The following PCBP3 variants were observed in gnomAD, a reference collection of about 807,000 sequenced individuals.
The protein encoded by PCBP3 is poly(rC)-binding protein 3.
Under a neutral mutation model 52.7 loss-of-function variants are expected in PCBP3, and 25 were observed. The observed-to-expected ratio is 0.47, with a 90% CI of 0.35 to 0.66. The LOEUF is 0.66. Among genes scored for constraint, PCBP3 ranks in the 30% least tolerant of loss-of-function variants. PCBP3 has a pLI of 0.01. For missense variants in PCBP3, 391 were observed against 490.3 expected (o/e 0.80, Z 1.91); for synonymous variants, 162 against 183.0 (o/e 0.89, Z 0.93).
chr21:45,694,396 A>G (rs78288391), intron 2 of PCBP3, among the ~76,000 whole-genome samples: 26,478 of 152,148 alleles, frequency 0.17, 2,915 homozygotes, highest in Non-Finnish European at 0.24. Context: ...CCACTTGAAC[A>G]TTAACCAAAA....
chr21:45,798,975 T>C (rs528632542), intron 4 of PCBP3, among the ~76,000 whole-genome samples: 33 of 149,944 alleles, frequency 2.2e-4, no homozygotes, highest in Admixed American at 5.3e-4. Flanking sequence ...AGAGAGTGAA[T>C]GCGTACATGG....
At position 45,901,063 on chromosome 21, in the gene PCBP3, A is replaced by G. The variant is rs1437359722; in HGVS notation, c.289A>G (p.Thr97Ala). Reference protein sequence around the residue: ...PERIVTITGPTDAIFKAFAMI... With the variant: ...PERIVTITGPADAIFKAFAMI... ...GAGGATTGTGACCATCACAGGCCCC[A>G]CAGACGCCATCTTCAAGGCCTTTGC... is the stretch of plus-strand genomic sequence containing the variant. Residue 97 changes from threonine (T) to alanine (A), a missense_variant, in exon 9 of 18, where the codon ACA (threonine) becomes GCA (alanine). By Grantham distance (58) the Thr-to-Ala change is moderately conservative. Transcript: ENST00000681687. 1.2e-6 allele frequency: 2 copies of G among 1,614,072 alleles called. No homozygotes were observed. The highest frequency in any genetic ancestry group is 1.3e-5 in the African/African-American group (1 of 75,046).
intron 1 of PCBP3, among the ~76,000 whole-genome samples, chr21:45,646,280 T>G (rs1046431912): frequency 6.6e-6 from 1 of 152,060 alleles, no homozygotes; most frequent in African/African-American, 2.4e-5. Context: ...GCCATTTTAT[T>G]CTTCTTTTTA....
intron 5 of PCBP3, among the ~76,000 whole-genome samples, chr21:45,895,575 T>A (rs946172585): frequency 6.6e-6 from 1 of 152,254 alleles, no homozygotes; most frequent in Non-Finnish European, 1.5e-5. Flanking sequence ...CCCAGTGGGC[T>A]CCGTCAACTC....
chr21:45,825,649 T>C (rs886566474), intron 4 of PCBP3, among the ~76,000 whole-genome samples: 3 of 152,218 alleles, frequency 2.0e-5, no homozygotes, highest in Non-Finnish European at 4.4e-5. Context: ...AGGGCTCATA[T>C]AGATCATTAT....
Position 45,935,320 on chromosome 21 carries a change from T to TGTGA in PCBP3, c.909+17_909+18insGAGT. On this transcript the variant is annotated intron_variant, in intron 16 of 17. Transcript: ENST00000681687. ...TTCCCAATGATGTGAGTATGCCCGCTGTACCTGCCTGTCCCTGGGTAGAAA... is the reference window on the plus strand; with the variant it reads ...TTCCCAATGATGTGAGTATGCCCGCTGTGAGTACCTGCCTGTCCCTGGGTAGAAA... 1.9e-6 allele frequency: 3 copies of TGTGA among 1,596,192 alleles called. No homozygotes were observed. The highest frequency in any genetic ancestry group is 2.6e-6 in the Non-Finnish European group (3 of 1,166,598).
intron 2 of PCBP3, among the ~76,000 whole-genome samples, chr21:45,706,822 C>T (rs985318216): frequency 2.6e-5 from 4 of 152,204 alleles, no homozygotes; most frequent in Non-Finnish European, 4.4e-5. Context: ...TCAGTTGATA[C>T]TGTTTCAGTT....
rs187112284 is a variant in PCBP3, at chr21:45,791,176, C to T, written c.-126+35724C>T. On this transcript the variant is annotated intron_variant, in intron 4 of 17. Coordinates refer to ENST00000681687, the MANE Select transcript of PCBP3 (RefSeq NM_001384156.1). This position sits in a 1 kb window ranked among gnomAD's most constrained non-coding sequence, Gnocchi z 4.2. ...AAGGCTGTGTTGGTCGTCAGCCCAG[C>T]GTGGGAAGGGGGAGTTTTGAAGACA... Among the ~76,000 whole-genome samples the T allele has an allele frequency of 3.1e-4, 47 of 152,100 alleles. 2 individuals carry two copies. The South Asian group carries it at 6.9e-3, about 22-fold the overall frequency.
chr21:45,924,216 C>T (rs1399704345), intron 13 of PCBP3, among the ~76,000 whole-genome samples: 42 of 132,090 alleles, frequency 3.2e-4, no homozygotes, highest in African/African-American at 7.9e-4. Context: ...CGGGTGTGCA[C>T]GAGGAGATGT....
At chr21:45,669,803 G>GTATATATATATA (rs1394969213) in intron 2 of PCBP3, among the ~76,000 whole-genome samples, 2 of 54,404 alleles carry the variant, frequency 3.7e-5, no homozygotes, top group Admixed American at 1.9e-4. Flanking sequence ...GTGTGTGTGT[G>GTATATATATATA]TGTATATATA....
intron 4 of PCBP3, among the ~76,000 whole-genome samples, chr21:45,842,114 G>C (rs2093711385): frequency 6.6e-6 from 1 of 152,244 alleles, no homozygotes; most frequent in South Asian, 2.1e-4. Flanking sequence ...TCTCTGTGCA[G>C]AAGTGAATCT....
At chr21:45,881,573 T>C (rs2095406751) in intron 5 of PCBP3, among the ~76,000 whole-genome samples, 1 of 152,130 alleles carries the variant, frequency 6.6e-6, no homozygotes, top group African/African-American at 2.4e-5. Context: ...AGAGACCCCA[T>C]CTCTATAAAG....
At position 45,656,457 on chromosome 21, in the gene PCBP3, C is replaced by T. The variant is rs1437741553; in HGVS notation, c.-278-12417C>T. On this transcript the variant is annotated intron_variant, in intron 1 of 17. Transcript: ENST00000681687. The surrounding 1 kb of genome is among the most constrained non-coding windows in gnomAD (Gnocchi z 4.3). ...GAGTTGAACAATGAGAACACATGGA[C>T]ACAGGGAGGGGAACATCATACACCA... Among the ~76,000 whole-genome samples the T allele has an allele frequency of 2.6e-5, 4 of 152,080 alleles. No homozygotes were observed. The highest frequency in any genetic ancestry group is 2.1e-4 in the South Asian group (1 of 4,808).
chr21:45,816,733 C>G (rs1287665294), intron 4 of PCBP3, among the ~76,000 whole-genome samples: 1 of 145,192 alleles, frequency 6.9e-6, no homozygotes, highest in Non-Finnish European at 1.5e-5. Flanking sequence ...TGAGGCTGTT[C>G]TATGTTAACT....
intron 4 of PCBP3, among the ~76,000 whole-genome samples, chr21:45,808,455 T>A (rs928027979): frequency 3.3e-5 from 5 of 152,174 alleles, no homozygotes; most frequent in Non-Finnish European, 7.3e-5. Context: ...TCATCACTGG[T>A]CATTAGAGAA....
chr21:45,685,447 A>C (rs1009308471), intron 2 of PCBP3, among the ~76,000 whole-genome samples: 1 of 152,200 alleles, frequency 6.6e-6, no homozygotes, highest in African/African-American at 2.4e-5. Context: ...AATAAGAAAT[A>C]CAAAAAGGAA....
At chr21:45,854,215 G>T (rs1485811652) in intron 5 of PCBP3, among the ~76,000 whole-genome samples, 1 of 151,958 alleles carries the variant, frequency 6.6e-6, no homozygotes, top group African/African-American at 2.4e-5. Flanking sequence ...CTCCTGCCCT[G>T]CATGTGTGTC....
chr21:45,674,019 G>T (rs189586082), intron 2 of PCBP3, among the ~76,000 whole-genome samples: 1 of 152,244 alleles, frequency 6.6e-6, no homozygotes, highest in East Asian at 1.9e-4. Context: ...AATACTTAGG[G>T]TGCTAGACTG....
intron 2 of PCBP3, among the ~76,000 whole-genome samples, chr21:45,712,576 G>A (rs1405203825): frequency 4.6e-5 from 7 of 152,058 alleles, no homozygotes; most frequent in African/African-American, 1.7e-4. Context: ...CAAATGACTT[G>A]TCTCCGAATC....
Sources: gnomAD v4.1 joint callset for allele counts (sites outside exome capture counted in the v4.1 genomes callset) on GRCh38, gnomAD v4.1.1 for gene constraint, Gnocchi (gnomAD v3.1) non-coding constraint, MANE v1.5 for transcripts, NCBI Gene and HGNC (gene_info 2026-07-23, HGNC 2026-07-21) for gene names.